Variants in NLGN4Y observed in about 807,000 individuals in gnomAD.
The protein encoded by NLGN4Y is neuroligin-4, Y-linked.
In NLGN4Y, 4 loss-of-function variants were observed where a neutral mutation model predicts 8.4. That is an observed-to-expected ratio of 0.48 (90% CI 0.23 to 1.09). NLGN4Y has a LOEUF of 1.09. Ranked by LOEUF, NLGN4Y falls within the 50% of genes least tolerant of loss-of-function variation. The pLI, the probability that NLGN4Y is intolerant of heterozygous loss-of-function variation, is 0.19. For missense variants in NLGN4Y, 90 were observed against 192.3 expected, an observed-to-expected ratio of 0.47 and a Z score of 3.15; for synonymous variants, 35 against 75.6, an observed-to-expected ratio of 0.46 and a Z score of 2.78.
At chrY:14,540,847 G>T in intron 1 of NLGN4Y, among the ~76,000 whole-genome samples, 1 of 33,677 alleles carries the variant, frequency 3.0e-5, no homozygotes, top group Non-Finnish European at 7.3e-5. Flanking sequence ...AAGATGGAGA[G>T]AAACCAGTGT....
At chrY:14,701,584 G>C (rs749471008) in intron 2 of NLGN4Y, among the ~76,000 whole-genome samples, 1 of 32,894 alleles carries the variant, frequency 3.0e-5, no homozygotes, top group Admixed American at 2.8e-4. Context: ...GAGACCTGTT[G>C]GGGGAAATTC....
intron 2 of NLGN4Y, among the ~76,000 whole-genome samples, chrY:14,712,060 C>A (rs2080900912): frequency 1.1e-4 from 3 of 26,466 alleles, no homozygotes; most frequent in Admixed American, 3.5e-4. Flanking sequence ...GTGACAAGAG[C>A]CGAACTCCAT....
At chrY:14,639,074 C>T in intron 2 of NLGN4Y, 1 of 72,613 alleles carries the variant, frequency 1.4e-5, no homozygotes, top group Non-Finnish European at 2.9e-5. Flanking sequence ...CGCGCGGGCC[C>T]AGCCCTGCAA....
In NLGN4Y at chrY:14,701,530, C is replaced by T. The variant is rs934613332; in HGVS notation, c.473-17929C>T. On this transcript the variant is annotated intron_variant, in intron 2 of 6. Coordinates refer to ENST00000684976, the MANE Select transcript of NLGN4Y (RefSeq NM_001365588.1). ...TAAAGGTTAGAAGTCCCACATGGGT[C>T]TCCCTAGGCTGAAATCAAACTGTCC... Among the ~76,000 whole-genome samples the T allele has an allele frequency of 1.8e-4, 6 of 33,384 alleles. No individual in the cohort carries two copies. The East Asian group carries it at 4.8e-3, about 27-fold the overall frequency. 89.6% of individuals were successfully genotyped at this position (33,384 alleles called of 37,273 possible).
At chrY:14,545,487 A>T (rs2080168208) in intron 1 of NLGN4Y, among the ~76,000 whole-genome samples, 19 of 33,241 alleles carry the variant, frequency 5.7e-4, no homozygotes, top group Admixed American at 8.1e-4. Flanking sequence ...CTGGTGTGAG[A>T]TGTTATCTCA....
At chrY:14,621,445 G>A in intron 1 of NLGN4Y, among the ~76,000 whole-genome samples, 1 of 33,621 alleles carries the variant, frequency 3.0e-5, no homozygotes, top group African/African-American at 1.2e-4. Context: ...CTTGAACGTC[G>A]GTTTGTTCAT....
intron 1 of NLGN4Y, among the ~76,000 whole-genome samples, chrY:14,538,647 C>T: frequency 3.0e-5 from 1 of 33,698 alleles, no homozygotes; most frequent in African/African-American, 1.2e-4. Context: ...TAATTAATTG[C>T]ATTTGTTTAA....
Position 14,843,796 on chromosome Y carries a change from C to T in NLGN4Y, c.*2534C>T. On this transcript the variant is annotated 3_prime_UTR_variant, in exon 7 of 7. Transcript: ENST00000684976. ...ATCCTTTCCTAGGCTTTTCCTTGAT[C>T]TTCAGAGGCACACAGGGTTTAATGG... The T allele has an allele frequency of 8.3e-6, 1 of 121,089 alleles. No homozygotes were observed. Among genetic ancestry groups the T allele is most frequent in the South Asian group, 3.9e-5 (1 of 25,602 alleles). The allele number at this position is 121,089 out of a possible 400,897, so 30.2% of individuals were successfully genotyped here.
At chrY:14,637,776 A>G in intron 2 of NLGN4Y, among the ~76,000 whole-genome samples, 1 of 31,931 alleles carries the variant, frequency 3.1e-5, no homozygotes, top group Non-Finnish European at 7.6e-5. Context: ...GGAAGACAGC[A>G]TACAAACATG....
intron 6 of NLGN4Y, among the ~76,000 whole-genome samples, chrY:14,832,786 C>A: frequency 2.9e-5 from 1 of 33,902 alleles, no homozygotes; most frequent in Non-Finnish European, 7.3e-5. Context: ...TATCACAAGG[C>A]AAATGGAGGC....
chrY:14,823,621 A>AT (rs2043131913), intron 4 of NLGN4Y, among the ~76,000 whole-genome samples: 2 of 33,735 alleles, frequency 5.9e-5, no homozygotes, highest in Non-Finnish European at 1.5e-4. Context: ...TTTTAGATTC[A>AT]TTTTGTCTTC....
At chrY:14,664,559 T>A (rs2080686331) in intron 2 of NLGN4Y, among the ~76,000 whole-genome samples, 1 of 33,644 alleles carries the variant, frequency 3.0e-5, no homozygotes, top group Admixed American at 2.7e-4. Context: ...TTTTACTGGC[T>A]TAACAGAGAA....
At chrY:14,623,934 G>T in intron 2 of NLGN4Y, among the ~76,000 whole-genome samples, 1 of 33,260 alleles carries the variant, frequency 3.0e-5, no homozygotes, top group Admixed American at 2.8e-4. Context: ...TAAAATCCAG[G>T]TCTGAATGTG....
At chrY:14,785,635 C>G in intron 4 of NLGN4Y, among the ~76,000 whole-genome samples, 2 of 32,252 alleles carry the variant, frequency 6.2e-5, no homozygotes, top group African/African-American at 1.2e-4. Context: ...GCTGTGGCGG[C>G]TGCCTGTAGT....
intron 1 of NLGN4Y, among the ~76,000 whole-genome samples, chrY:14,616,601 A>G: frequency 3.0e-5 from 1 of 33,314 alleles, no homozygotes; most frequent in Non-Finnish European, 7.4e-5. Flanking sequence ...TTCCCTCTAC[A>G]CACCATTTTA....
At chrY:14,621,744 G>T in intron 1 of NLGN4Y, among the ~76,000 whole-genome samples, 1 of 33,152 alleles carries the variant, frequency 3.0e-5, no homozygotes, top group South Asian at 7.0e-4. Flanking sequence ...CCAGGAGTTG[G>T]AGGCTGCAGT....
intron 4 of NLGN4Y, among the ~76,000 whole-genome samples, chrY:14,732,572 C>T: frequency 1.8e-4 from 6 of 34,144 alleles, no homozygotes; most frequent in African/African-American, 6.9e-4. Context: ...CCAATCACTG[C>T]TTTATCTCAC....
intron 1 of NLGN4Y, among the ~76,000 whole-genome samples, chrY:14,607,815 G>A: frequency 8.8e-5 from 3 of 34,075 alleles, no homozygotes; most frequent in Non-Finnish European, 2.2e-4. Flanking sequence ...CTTCTACAAC[G>A]GTTGAATTAA....
At chrY:14,715,623 G>A (rs2080912758) in intron 2 of NLGN4Y, among the ~76,000 whole-genome samples, 1 of 32,040 alleles carries the variant, frequency 3.1e-5, no homozygotes, top group East Asian at 8.3e-4. Context: ...TCACACACCC[G>A]GGCCTGTCAT....
Sources: gnomAD v4.1 joint callset for allele counts (sites outside exome capture counted in the v4.1 genomes callset) on GRCh38, gnomAD v4.1.1 for gene constraint, MANE v1.5 for transcripts, NCBI Gene and HGNC (gene_info 2026-07-23, HGNC 2026-07-21) for gene names.